The following RTBDN variants were observed in gnomAD, a reference collection of about 807,000 sequenced individuals.
The protein encoded by RTBDN is retbindin.
In RTBDN, 24 loss-of-function variants were observed where a neutral mutation model predicts 21.9. That is an observed-to-expected ratio of 1.10 (90% CI 0.79 to 1.54). RTBDN has a LOEUF of 1.54. Ranked by LOEUF, RTBDN falls within the 40% of genes most tolerant of loss-of-function variation. RTBDN has a pLI of 0.00. For synonymous variants in RTBDN, 141 were observed against 125.9 expected, an observed-to-expected ratio of 1.12 and a Z score of -0.80; for missense variants, 325 against 315.2, an observed-to-expected ratio of 1.03 and a Z score of -0.23.
intron 2 of RTBDN, among the ~76,000 whole-genome samples, chr19:12,829,253 GT>G (rs1969457585): frequency 6.6e-6 from 1 of 150,882 alleles, no homozygotes; most frequent in Non-Finnish European, 1.5e-5. Flanking sequence ...CCAGGCTGGA[GT>G]GCAGTGGCGT....
At position 12,830,778 on chromosome 19, in the gene RTBDN, T is replaced by A. The variant is rs1253716771; in HGVS notation, c.-18-781A>T. On this transcript the variant is annotated intron_variant, in intron 1 of 5. Transcript: ENST00000674343. This position sits in a 1 kb window ranked among gnomAD's most constrained non-coding sequence, Gnocchi z 4.2. ...CCGACTTGGGGCTGGTGTGTATATA[T>A]CCTTGTGTTTGTTTTTATGTTCAGC... The A allele has an allele frequency of 5.7e-6, 3 of 529,850 alleles. No individual in the cohort carries two copies. The highest frequency in any genetic ancestry group is 7.3e-6 in the Non-Finnish European group (3 of 413,706). 32.8% of individuals were successfully genotyped at this position (529,850 alleles called of 1,614,324 possible).
In RTBDN at chr19:12,830,183, C is replaced by A; in HGVS notation, c.-18-186G>T. 1.5e-6 allele frequency: 2 copies of A among 1,326,146 alleles called. No homozygotes were observed. Among genetic ancestry groups the A allele is most frequent in the African/African-American group, 3.0e-5 (2 of 67,760 alleles). 82.1% of individuals were successfully genotyped at this position (1,326,146 alleles called of 1,614,324 possible). The stretch of plus-strand genomic sequence containing the variant: ...CAGGGCCTGCCTCCAACCTAGGAGC[C>A]CCCCTCCCATCAGAACCATGTCCTC... On this transcript the variant is annotated intron_variant, in intron 1 of 5. Transcript: ENST00000674343. The surrounding 1 kb of genome is among the most constrained non-coding windows in gnomAD (Gnocchi z 4.2).
chr19:12,825,767 C>T lies in RTBDN; in HGVS notation c.629G>A (p.Arg210His). The change falls in exon 6 of 6, where the codon CGC (arginine) becomes CAC (histidine). Residue 210 changes from arginine to histidine, a missense_variant. Transcript: ENST00000674343. Reference protein sequence around the residue: ...EAPSRRSRSPRTSILDAAGSG... With the variant: ...EAPSRRSRSPHTSILDAAGSG... The stretch of plus-strand genomic sequence containing the variant: ...GCCCGCAGCGTCCAGGATGGAGGTG[C>T]GAGGGCTGCGGGAACGCCGGGAGGG... The T allele has an allele frequency of 6.2e-7, 1 of 1,608,188 alleles. No individual in the cohort carries two copies. Among genetic ancestry groups the T allele is most frequent in the Non-Finnish European group, 8.5e-7 (1 of 1,177,090 alleles).
At chr19:12,829,751 A>G in intron 2 of RTBDN, 60 bp downstream of exon 2, 1 of 1,539,732 alleles carries the variant, frequency 6.5e-7, no homozygotes, top group Non-Finnish European at 8.9e-7. Context: ...TAACATTGTC[A>G]TGGCAGGGTA....
intron 4 of RTBDN, among the ~76,000 whole-genome samples, chr19:12,827,654 A>G (rs1007200693): frequency 6.6e-6 from 1 of 152,060 alleles, no homozygotes; most frequent in Non-Finnish European, 1.5e-5. Flanking sequence ...TTTTTTGTTG[A>G]GACTGGGTCT....
At chr19:12,833,885 T>G (rs999107993) in intron 1 of RTBDN, 2 of 219,926 alleles carry the variant, frequency 9.1e-6, no homozygotes, top group Non-Finnish European at 8.7e-6. Flanking sequence ...TCCCCGCGGC[T>G]TCTCACTCCC....
chr19:12,832,749 A>G (rs1017987536), intron 1 of RTBDN: 4 of 152,206 alleles, frequency 2.6e-5, no homozygotes, highest in Non-Finnish European at 4.4e-5. Context: ...AAAGGCGCGG[A>G]CTTGAGGCGA....
rs1023267746 is a variant in RTBDN at position 12,830,030 on chromosome 19, T to C, written c.-18-33A>G. The stretch of plus-strand genomic sequence containing the variant: ...GCATAGGGTGGGGTTCAGCCATCCC[T>C]TTCTGTGAGCTTAGGGTGGCACCCA... On this transcript the variant is annotated intron_variant, in intron 1 of 5. Coordinates refer to ENST00000674343, the MANE Select transcript of RTBDN (RefSeq NM_001270441.2). This position sits in a 1 kb window ranked among gnomAD's most constrained non-coding sequence, Gnocchi z 4.2. 1 of 1,583,736 alleles carries C rather than the reference T, an allele frequency of 6.3e-7. No individual in the cohort carries two copies. Among genetic ancestry groups the C allele is most frequent in the Admixed American group, 1.7e-5 (1 of 59,216 alleles).
chr19:12,826,402 A>C (rs965559748), intron 5 of RTBDN: 8 of 1,270,258 alleles, frequency 6.3e-6, no homozygotes, highest in African/African-American at 1.5e-5. Context: ...GTAAGAAAGA[A>C]CTTGGTGGGG....
At chr19:12,834,773 A>C, upstream of RTBDN, 1 of 1,612,840 alleles carries the variant, frequency 6.2e-7, no homozygotes, top group Non-Finnish European at 8.5e-7. This position sits in a 1 kb window ranked among gnomAD's most constrained non-coding sequence, Gnocchi z 4.7. Context: ...CTCAGGTGTC[A>C]GGAGCTCCTA....
chr19:12,828,792 G>A (rs763620195), intron 3 of RTBDN, 25 bp from the exon 4 acceptor site: 6 of 1,613,480 alleles, frequency 3.7e-6, no homozygotes, highest in Middle Eastern at 1.7e-4. Context: ...AGATAGGGTC[G>A]GATGGGTCAG....
intron 4 of RTBDN, among the ~76,000 whole-genome samples, chr19:12,828,130 G>T (rs1969392656): frequency 6.6e-6 from 1 of 150,900 alleles, no homozygotes; most frequent in African/African-American, 2.4e-5. Flanking sequence ...GGGCACGGTG[G>T]CTCACGCCTG....
chr19:12,834,724 CTG>C, upstream of RTBDN: 1 of 1,585,812 alleles, frequency 6.3e-7, no homozygotes, highest in Non-Finnish European at 8.7e-7. The surrounding 1 kb of genome is among the most constrained non-coding windows in gnomAD (Gnocchi z 4.7). Context: ...GAGTGGGACA[CTG>C]AGGATCGCTG....
Position 12,826,826 on chromosome 19 carries a change from G to A in RTBDN, c.411C>T (p.Leu137=). 6.4e-7 allele frequency: 1 copy of A among 1,555,436 alleles called. No individual in the cohort carries two copies. Among genetic ancestry groups the A allele is most frequent in the Non-Finnish European group, 8.7e-7 (1 of 1,149,844 alleles). The change falls in exon 5 of 6, where the codon CTC becomes CTT. Residue 137 remains leucine (L), a synonymous_variant. Transcript: ENST00000674343. ...EDDITCGPTW[L]PLSEKRGCEP... ...CACAGCCCCTTTTTTCTGAGAGTGG[G>A]AGCCAAGTCGGGCCGCAGGTGATAT...
In RTBDN at chr19:12,825,592, C is replaced by A. The variant is rs985157528; in HGVS notation, c.*114G>T. On this transcript the variant is annotated 3_prime_UTR_variant, in exon 6 of 6. Transcript: ENST00000674343. ...TCTCTGGAGCTCCAGGGAGGAGGGA[C>A]AGACATCTCAAAACTATTACAGAAG... is the stretch of plus-strand genomic sequence containing the variant. The A allele has an allele frequency of 4.9e-5, 70 of 1,427,332 alleles. No individual in the cohort carries two copies. The highest frequency in any genetic ancestry group is 2.5e-4 in the Middle Eastern group (1 of 3,944). The allele number at this position is 1,427,332 out of a possible 1,614,324, so 88.4% of individuals were successfully genotyped here. A position where few individuals can be genotyped will look rare whatever the true frequency, so the allele number is the denominator to read the frequency against.
chr19:12,826,855 C>A lies in RTBDN; in HGVS notation c.382G>T (p.Asp128Tyr). The A allele has an allele frequency of 6.4e-7, 1 of 1,552,108 alleles. No individual in the cohort carries two copies. Among genetic ancestry groups the A allele is most frequent in the Non-Finnish European group, 8.7e-7 (1 of 1,148,160 alleles). Residue 128 changes from aspartate to tyrosine, a missense_variant, in exon 5 of 6, where the codon GAT becomes TAT. Asp to Tyr is a radical substitution (Grantham distance 160, BLOSUM62 -3). Transcript: ENST00000674343. ...LCQAWFANCE[D>Y]DITCGPTWLP... ...CAAGTCGGGCCGCAGGTGATATCAT[C>A]TTCGCAGTTGGCGAACCTGGAGATG...
chr19:12,830,093 G>T lies in RTBDN; in HGVS notation c.-18-96C>A. 7.0e-7 allele frequency: 1 copy of T among 1,424,276 alleles called. No individual in the cohort carries two copies. The highest frequency in any genetic ancestry group is 9.5e-7 in the Non-Finnish European group (1 of 1,051,488). 88.2% of individuals were successfully genotyped at this position (1,424,276 alleles called of 1,614,324 possible). A position where few individuals can be genotyped will look rare whatever the true frequency, so the allele number is the denominator to read the frequency against. On this transcript the variant is annotated intron_variant, in intron 1 of 5. Transcript: ENST00000674343. This position sits in a 1 kb window ranked among gnomAD's most constrained non-coding sequence, Gnocchi z 4.2. ...CCAAGAAGCAGTGCCAGGCAGAGTA[G>T]GGAAAGTGCAGCTGAGGAGGAGGCT...
At position 12,825,546 on chromosome 19, in the gene RTBDN, G is replaced by GA. The variant is rs2145839291; in HGVS notation, c.*159dup. 9 of 1,130,496 alleles carry GA rather than the reference G, an allele frequency of 8.0e-6. No homozygotes were observed. The South Asian group carries it at 1.5e-4, about 19-fold the overall frequency. The allele number at this position is 1,130,496 out of a possible 1,614,324, so 70.0% of individuals were successfully genotyped here. A position where few individuals can be genotyped will look rare whatever the true frequency, so the allele number is the denominator to read the frequency against. ...AGTGAGAGAGTTGGGTCATTTCTGGGATAACCTGGAGAGGGGTGGGTCTCT... is the reference window on the plus strand; with the variant it reads ...AGTGAGAGAGTTGGGTCATTTCTGGGAATAACCTGGAGAGGGGTGGGTCTCT... On this transcript the variant is annotated 3_prime_UTR_variant, in exon 6 of 6. Coordinates refer to ENST00000674343, the MANE Select transcript of RTBDN (RefSeq NM_001270441.2).
At chr19:12,833,957 C>T (rs1969669908) in intron 1 of RTBDN, 1 of 397,826 alleles carries the variant, frequency 2.5e-6, no homozygotes, top group Admixed American at 4.4e-5. Flanking sequence ...GAAGTCGCCG[C>T]CGCTGCCGCC....
Sources: gnomAD v4.1 joint callset for allele counts (sites outside exome capture counted in the v4.1 genomes callset) on GRCh38, gnomAD v4.1.1 for gene constraint, Gnocchi (gnomAD v3.1) non-coding constraint, MANE v1.5 for transcripts, NCBI Gene and HGNC (gene_info 2026-07-23, HGNC 2026-07-21) for gene names.